The following CENPP variants were observed in gnomAD, a reference collection of about 807,000 sequenced individuals.
The protein encoded by CENPP is centromere protein P.
A neutral mutation model predicts 35.6 loss-of-function variants in CENPP; 24 were observed. The observed-to-expected ratio is 0.67, with a 90% CI of 0.49 to 0.95. CENPP has a LOEUF of 0.95. Among genes scored for constraint, CENPP ranks in the 40% least tolerant of loss-of-function variants. The probability of loss-of-function intolerance (pLI) is 0.00; values close to 1 mark genes in which losing one functional copy is unlikely to be tolerated. For missense variants in CENPP, 332 were observed against 345.3 expected (o/e 0.96, Z 0.31); for synonymous variants, 120 against 125.5 (o/e 0.96, Z 0.29).
intron 1 of CENPP, among the ~76,000 whole-genome samples, chr9:92,331,092 C>G (rs1021393893): frequency 2.0e-5 from 3 of 152,280 alleles, no homozygotes; most frequent in Non-Finnish European, 4.4e-5. Context: ...ATTTCTTTTT[C>G]CGATAAATCT....
chr9:92,495,638 T>C (rs1293796895), intron 5 of CENPP: 3 of 936,026 alleles, frequency 3.2e-6, no homozygotes, highest in Admixed American at 6.2e-5. Context: ...TATAGAAAAG[T>C]TTCAAAAAGA....
intron 5 of CENPP, among the ~76,000 whole-genome samples, chr9:92,515,614 G>A (rs575267957): frequency 5.9e-5 from 9 of 152,172 alleles, no homozygotes; most frequent in Non-Finnish European, 1.3e-4. Context: ...TTGCTAATGT[G>A]AGAATTTGCA....
At chr9:92,491,397 C>T (rs1846169053) in intron 5 of CENPP, among the ~76,000 whole-genome samples, 1 of 152,142 alleles carries the variant, frequency 6.6e-6, no homozygotes, top group Non-Finnish European at 1.5e-5. Context: ...AGGTGAAAGG[C>T]TCAAGTCAGA....
intron 5 of CENPP, among the ~76,000 whole-genome samples, chr9:92,576,690 C>T (rs970270884): frequency 1.3e-5 from 2 of 151,958 alleles, no homozygotes; most frequent in East Asian, 1.9e-4. Flanking sequence ...AATCATAATG[C>T]ATTACATGTG....
At chr9:92,585,996 C>T (rs1023072050) in intron 5 of CENPP, among the ~76,000 whole-genome samples, 17 of 152,180 alleles carry the variant, frequency 1.1e-4, no homozygotes, top group Non-Finnish European at 2.1e-4. Flanking sequence ...TCCCACCACC[C>T]CCTCATGAGT....
At chr9:92,596,269 G>C (rs1850776967) in intron 5 of CENPP, among the ~76,000 whole-genome samples, 1 of 151,726 alleles carries the variant, frequency 6.6e-6, no homozygotes, top group African/African-American at 2.4e-5. Context: ...AAGTAGCTAG[G>C]GCTACAGGCA....
At chr9:92,389,853 C>T in intron 5 of CENPP, 1 of 1,592,150 alleles carries the variant, frequency 6.3e-7, no homozygotes, top group Non-Finnish European at 8.6e-7. Flanking sequence ...AAAATACTTA[C>T]TTTGAATGCA....
chr9:92,576,925 A>C (rs1368952982), intron 5 of CENPP, among the ~76,000 whole-genome samples: 2 of 152,196 alleles, frequency 1.3e-5, no homozygotes, highest in Non-Finnish European at 2.9e-5. Flanking sequence ...ACAAAATTCA[A>C]ATGGTGAGTA....
At chr9:92,432,948 A>T (rs1473000920) in intron 5 of CENPP, among the ~76,000 whole-genome samples, 3 of 152,196 alleles carry the variant, frequency 2.0e-5, no homozygotes, top group African/African-American at 7.2e-5. Context: ...AAAAAGATAC[A>T]AAAAAAATTT....
chr9:92,563,339 G>A (rs150435345), intron 5 of CENPP, among the ~76,000 whole-genome samples: 61 of 152,198 alleles, frequency 4.0e-4, no homozygotes, highest in African/African-American at 1.4e-3. Flanking sequence ...CGTTATGAAT[G>A]GCAGTTACCA....
intron 5 of CENPP, among the ~76,000 whole-genome samples, chr9:92,394,633 C>G (rs1052315563): frequency 6.6e-6 from 1 of 151,698 alleles, no homozygotes; most frequent in Non-Finnish European, 1.5e-5. Flanking sequence ...GAGATGAAGT[C>G]TCGCTTCGTC....
chr9:92,429,790 AATCATCATCATCATC>A (rs5899160), intron 5 of CENPP, among the ~76,000 whole-genome samples: 8 of 150,424 alleles, frequency 5.3e-5, no homozygotes, highest in Non-Finnish European at 1.0e-4. Flanking sequence ...TCCGTCTCAA[AATCATCATCATCATC>A]ATCATCATCA....
intron 5 of CENPP, chr9:92,416,910 G>A: frequency 6.2e-7 from 1 of 1,613,996 alleles, no homozygotes. Flanking sequence ...CAGAGGTTGA[G>A]CTGCATTAGT....
At chr9:92,422,363 C>G (rs1446099612) in intron 5 of CENPP, among the ~76,000 whole-genome samples, 2 of 152,104 alleles carry the variant, frequency 1.3e-5, no homozygotes, top group African/African-American at 4.8e-5. Flanking sequence ...GAAAACTCAG[C>G]TTGAATTTTA....
intron 4 of CENPP, among the ~76,000 whole-genome samples, chr9:92,372,489 G>A (rs1387788676): frequency 3.3e-5 from 5 of 152,044 alleles, no homozygotes; most frequent in Non-Finnish European, 5.9e-5. Context: ...TAGTGGTACT[G>A]TTTGAATTAT....
chr9:92,602,258 G>GAGA (rs1053119385), intron 5 of CENPP, among the ~76,000 whole-genome samples: 1 of 152,216 alleles, frequency 6.6e-6, no homozygotes, highest in Non-Finnish European at 1.5e-5. Context: ...AAGGGAAAAG[G>GAGA]AGAAGCTCTT....
At chr9:92,505,559 G>T (rs762219402) in intron 5 of CENPP, 1 of 1,604,692 alleles carries the variant, frequency 6.2e-7, no homozygotes, top group South Asian at 1.1e-5. Context: ...AGACCCTGCG[G>T]TATAATTCTA....
intron 5 of CENPP, among the ~76,000 whole-genome samples, chr9:92,432,413 G>A (rs1844134604): frequency 6.6e-6 from 1 of 151,960 alleles, no homozygotes; most frequent in Non-Finnish European, 1.5e-5. Context: ...AAGACATTTT[G>A]TAAATCTTTA....
chr9:92,444,640 T>C (rs1047363885), intron 5 of CENPP, among the ~76,000 whole-genome samples: 5 of 152,226 alleles, frequency 3.3e-5, no homozygotes, highest in Admixed American at 3.3e-4. Context: ...CTCTGTCCCA[T>C]GTTAAGCTCT....
Sources: allele counts gnomAD v4.1 joint callset (sites outside exome capture counted in the v4.1 genomes callset), GRCh38; gene constraint gnomAD v4.1.1; transcripts MANE v1.5; gene names NCBI Gene and HGNC (gene_info 2026-07-23, HGNC 2026-07-21).